FARP1: variants seen among roughly 807,000 people sequenced by gnomAD.
The protein encoded by FARP1 is FERM, ARH/RhoGEF and pleckstrin domain protein 1.
A neutral mutation model predicts 128.8 loss-of-function variants in FARP1; 52 were observed. That is an observed-to-expected ratio of 0.40 (90% CI 0.32 to 0.51). FARP1 has a LOEUF of 0.51. Ranked by LOEUF, FARP1 falls within the 20% of genes least tolerant of loss-of-function variation. The pLI is 0.45. For missense variants in FARP1, 1,333 were observed against 1,367.9 expected (o/e 0.97, Z 0.40); for synonymous variants, 580 against 551.8 (o/e 1.05, Z -0.72).
At chr13:98,216,007 T>A (rs559981560) in intron 2 of FARP1, among the ~76,000 whole-genome samples, 1 of 152,186 alleles carries the variant, frequency 6.6e-6, no homozygotes, top group Non-Finnish European at 1.5e-5. Flanking sequence ...ACCAGGATGG[T>A]CTTGATCTCC....
intron 16 of FARP1, among the ~76,000 whole-genome samples, chr13:98,420,091 G>A (rs1307518726): frequency 6.6e-6 from 1 of 152,152 alleles, no homozygotes; most frequent in Non-Finnish European, 1.5e-5. Context: ...TGCTTTAGAG[G>A]ACAGTTGGGA....
At chr13:98,366,220 C>T (rs1446449965) in intron 4 of FARP1, among the ~76,000 whole-genome samples, 1 of 152,094 alleles carries the variant, frequency 6.6e-6, no homozygotes, top group East Asian at 1.9e-4. Flanking sequence ...ATTTGTATGT[C>T]TGATTAAGAA....
In FARP1 at chr13:98,454,109, C is replaced by A. The variant is rs1369587805; in HGVS notation, c.*5792C>A. The A allele has an allele frequency of 2.6e-5, 4 of 152,118 alleles. No homozygotes were observed. Among genetic ancestry groups the A allele is most frequent in the African/African-American group, 9.7e-5 (4 of 41,410 alleles). 9.4% of individuals were successfully genotyped at this position (152,118 alleles called of 1,614,324 possible). A position where few individuals can be genotyped will look rare whatever the true frequency, so the allele number is the denominator to read the frequency against. ...CAACTTCTGTATCCTAAATTAAGTA[C>A]TATAGAAATTCTAAAAAATCTTCTT... is the stretch of plus-strand genomic sequence containing the variant. On this transcript the variant is annotated 3_prime_UTR_variant, in exon 27 of 27. Coordinates refer to ENST00000319562, the MANE Select transcript of FARP1 (RefSeq NM_005766.4).
chr13:98,279,235 AT>A (rs1261426369), intron 2 of FARP1, among the ~76,000 whole-genome samples: 1 of 152,182 alleles, frequency 6.6e-6, no homozygotes, highest in African/African-American at 2.4e-5. Flanking sequence ...CAGTATTAAC[AT>A]TTATTTCTTC....
intron 17 of FARP1, among the ~76,000 whole-genome samples, chr13:98,427,335 A>G (rs1216575594): frequency 6.6e-6 from 1 of 152,044 alleles, no homozygotes; most frequent in Admixed American, 6.5e-5. Context: ...CTCTCATGTA[A>G]CAGGACGCTG....
chr13:98,410,072 C>G (rs1891132334), intron 14 of FARP1, among the ~76,000 whole-genome samples: 2 of 152,366 alleles, frequency 1.3e-5, no homozygotes, highest in South Asian at 4.1e-4. Flanking sequence ...TTGTTTGAGT[C>G]TCTGCTTTGA....
chr13:98,351,796 C>T (rs974513885), intron 3 of FARP1, among the ~76,000 whole-genome samples: 8 of 151,892 alleles, frequency 5.3e-5, no homozygotes, highest in Admixed American at 3.3e-4. Flanking sequence ...CACAAACAGC[C>T]GGATCGCCCA....
rs371862630 is a variant in FARP1 at position 98,275,680 on chromosome 13, CAATT to C, written c.171+62269_171+62272del. ...GAAAGACTGAGCTGAACGATTGTGA[CAATT>C]AGTTAGTATATAAAATGTCCCACTT... is the stretch of plus-strand genomic sequence containing the variant. On this transcript the variant is annotated intron_variant, in intron 2 of 26. Coordinates refer to ENST00000319562, the MANE Select transcript of FARP1 (RefSeq NM_005766.4). Among the ~76,000 whole-genome samples, 27 of 142,052 alleles carry C rather than the reference CAATT, an allele frequency of 1.9e-4. 1 individual carries two copies. Among genetic ancestry groups the C allele is most frequent in the Middle Eastern group, 3.7e-3 (1 of 268 alleles). The allele number at this position is 142,052 out of a possible 152,430, so 93.2% of individuals were successfully genotyped here.
In FARP1 at chr13:98,390,853, G is replaced by A; in HGVS notation, c.1061G>A (p.Gly354Glu). 6.2e-7 allele frequency: 1 copy of A among 1,613,728 alleles called. No homozygotes were observed. The highest frequency in any genetic ancestry group is 8.5e-7 in the Non-Finnish European group (1 of 1,179,684). ...QKQVLDYVKE[G>E]GHKKVQFERK... The stretch of plus-strand genomic sequence containing the variant: ...CAGGTTCTCGACTATGTTAAAGAAG[G>A]AGGACATAAGAAGGTGCAGTTTGAA... The change falls in exon 11 of 27, where the codon GGA (glycine) becomes GAA (glutamate). Residue 354 changes from glycine (G) to glutamate (E), a missense_variant. Coordinates refer to ENST00000319562, the MANE Select transcript of FARP1 (RefSeq NM_005766.4).
intron 1 of FARP1, among the ~76,000 whole-genome samples, chr13:98,160,260 G>A (rs1432872115): frequency 3.9e-5 from 6 of 152,160 alleles, no homozygotes; most frequent in African/African-American, 7.2e-5. Context: ...CCTCCTTTGA[G>A]TGGATATGCC....
At chr13:98,346,814 T>C (rs2139889000) in intron 3 of FARP1, among the ~76,000 whole-genome samples, 1 of 152,230 alleles carries the variant, frequency 6.6e-6, no homozygotes, top group East Asian at 1.9e-4. Flanking sequence ...CTGGAGGAGT[T>C]ATAGGGATTG....
intron 2 of FARP1, among the ~76,000 whole-genome samples, chr13:98,273,531 G>A (rs766602964): frequency 9.2e-5 from 14 of 152,316 alleles, no homozygotes; most frequent in Admixed American, 2.0e-4. Flanking sequence ...GCCAAGAGGC[G>A]TTTGTTCAGT....
At chr13:98,264,809 G>T (rs1336035803) in intron 2 of FARP1, among the ~76,000 whole-genome samples, 6 of 151,910 alleles carry the variant, frequency 3.9e-5, no homozygotes, top group African/African-American at 1.2e-4. Context: ...GTAATAATAA[G>T]AATTACTAAT....
intron 2 of FARP1, among the ~76,000 whole-genome samples, chr13:98,341,268 C>A (rs534898844): frequency 1.3e-5 from 2 of 152,094 alleles, no homozygotes; most frequent in Non-Finnish European, 2.9e-5. Flanking sequence ...CTCCTGCTGT[C>A]ACTCAGTCTC....
chr13:98,431,392 C>T, intron 18 of FARP1, 112 bp downstream of exon 18: 1 of 654,064 alleles, frequency 1.5e-6, no homozygotes, highest in Non-Finnish European at 2.6e-6. Flanking sequence ...TCAGCTGATG[C>T]TGGGTCCCAG....
chr13:98,244,589 T>A (rs748137548), intron 2 of FARP1: 5 of 1,614,196 alleles, frequency 3.1e-6, no homozygotes, highest in South Asian at 1.1e-5. Flanking sequence ...CACATCTAAT[T>A]GAGAAGTTTG....
At chr13:98,145,889 G>A (rs182402049) in intron 1 of FARP1, among the ~76,000 whole-genome samples, 2 of 141,268 alleles carry the variant, frequency 1.4e-5, no homozygotes, top group African/African-American at 5.1e-5. Flanking sequence ...AGAGAAAAAA[G>A]GAACTGCCCA....
At chr13:98,373,525 GACAGACAGACACACACACACACACAC>G (rs1465787489) in intron 5 of FARP1, among the ~76,000 whole-genome samples, 8 of 98,532 alleles carry the variant, frequency 8.1e-5, no homozygotes, top group African/African-American at 3.7e-4. Context: ...TCCAGAGACA[GACAGACAGACACACACACACACACAC>G]ACACACACAC....
In FARP1 at chr13:98,439,116, G is replaced by A. The variant is rs145105522; in HGVS notation, c.2353G>A (p.Val785Ile). ...CTTCTGATTCCTCCAGTTCAACGAC[G>A]TCCTGCTATACACGAGCCGGGGGCT... is the stretch of plus-strand genomic sequence containing the variant. The part of the protein sequence containing the change: ...QQRMFFLFND[V>I]LLYTSRGLTA... The change falls in exon 21 of 27, where the codon GTC becomes ATC. Residue 785 changes from valine to isoleucine, a missense_variant. Physicochemically the swap from Val to Ile is conservative, Grantham distance 29. Transcript: ENST00000319562. 2.0e-5 allele frequency: 33 copies of A among 1,613,470 alleles called. 1 individual carries two copies. Among genetic ancestry groups the A allele is most frequent in the African/African-American group, 1.5e-4 (11 of 74,910 alleles).
Sources: allele counts gnomAD v4.1 joint callset (sites outside exome capture counted in the v4.1 genomes callset), GRCh38; gene constraint gnomAD v4.1.1; transcripts MANE v1.5; gene names NCBI Gene and HGNC (gene_info 2026-07-23, HGNC 2026-07-21).